Variants in NDC1 observed in about 807,000 individuals in gnomAD.
The protein encoded by NDC1 is NDC1 transmembrane nucleoporin.
In NDC1, 24 loss-of-function variants were observed where a neutral mutation model predicts 89.8. The observed-to-expected ratio is 0.27, with a 90% confidence interval of 0.19 to 0.38. The LOEUF (loss-of-function observed/expected upper bound fraction) is 0.38, where lower values mean the gene tolerates loss of function less well. Among genes scored for constraint, NDC1 ranks in the 10% least tolerant of loss-of-function variants. NDC1 has a pLI of 1.00. For missense variants in NDC1, 728 were observed against 797.6 expected (o/e 0.91, Z 1.05); for synonymous variants, 296 against 284.8 (o/e 1.04, Z -0.39).
At chr1:53,835,752 G>A in intron 1 of NDC1, 132 bp from the exon 2 acceptor site, 1 of 708,468 alleles carries the variant, frequency 1.4e-6, no homozygotes, top group Non-Finnish European at 2.3e-6. Flanking sequence ...TTCACTACTA[G>A]TAATAACATT....
intron 6 of NDC1, among the ~76,000 whole-genome samples, chr1:53,811,787 A>G (rs559444351): frequency 2.6e-5 from 4 of 152,222 alleles, no homozygotes; most frequent in South Asian, 4.1e-4. Context: ...ACCTCCTGGC[A>G]GGAGGCCCAA....
intron 6 of NDC1, among the ~76,000 whole-genome samples, chr1:53,814,596 C>G (rs1225956622): frequency 6.6e-6 from 1 of 152,080 alleles, no homozygotes; most frequent in African/African-American, 2.4e-5. Context: ...TAACTGAGAT[C>G]AGAGCAGAAC....
chr1:53,791,316 G>A (rs1179044143), intron 14 of NDC1, among the ~76,000 whole-genome samples: 2 of 152,104 alleles, frequency 1.3e-5, no homozygotes, highest in Non-Finnish European at 2.9e-5. Flanking sequence ...CTACTCAGGA[G>A]GCTGAGGCAG....
At chr1:53,833,153 C>G (rs1649120296) in intron 2 of NDC1, among the ~76,000 whole-genome samples, 2 of 152,266 alleles carry the variant, frequency 1.3e-5, no homozygotes, top group African/African-American at 4.8e-5. Flanking sequence ...AACTTTCTTT[C>G]TTTCTTTTCT....
intron 3 of NDC1, among the ~76,000 whole-genome samples, chr1:53,829,402 A>G (rs1648978807): frequency 6.6e-6 from 1 of 152,194 alleles, no homozygotes; most frequent in South Asian, 2.1e-4. Flanking sequence ...CCTTCTCTCT[A>G]GAACATCATT....
At chr1:53,800,870 T>C (rs1214125148) in intron 10 of NDC1, 22 bp from the exon 11 acceptor site, 1 of 1,546,938 alleles carries the variant, frequency 6.5e-7, no homozygotes, top group Non-Finnish European at 8.7e-7. Flanking sequence ...AAACACCAGC[T>C]TTTAAAATGT....
At position 53,765,910 on chromosome 1, in the gene NDC1, G is replaced by T. The variant is rs1342914900; in HGVS notation, c.*2060C>A. 1 of 152,138 alleles carries T rather than the reference G, an allele frequency of 6.6e-6. No homozygotes were observed. The highest frequency in any genetic ancestry group is 1.5e-5 in the Non-Finnish European group (1 of 68,032). The allele number at this position is 152,138 out of a possible 1,614,324, so 9.4% of individuals were successfully genotyped here. On this transcript the variant is annotated 3_prime_UTR_variant, in exon 18 of 18. Coordinates refer to ENST00000371429, the MANE Select transcript of NDC1 (RefSeq NM_018087.5). ...GTCCTCCTCCTAGTACACAGGAGGA[G>T]TTCCCCATAATAACACCCTGGTTCC...
At chr1:53,785,341 G>A (rs551651051) in intron 16 of NDC1, among the ~76,000 whole-genome samples, 14 of 152,212 alleles carry the variant, frequency 9.2e-5, no homozygotes, top group South Asian at 2.1e-4. Context: ...CCAAATATTC[G>A]AAGCTGCAGG....
At chr1:53,838,110 G>A in intron 1 of NDC1, 95 bp downstream of exon 1, 1 of 1,162,168 alleles carries the variant, frequency 8.6e-7, no homozygotes, top group South Asian at 1.4e-5. Flanking sequence ...GCTGCCCCGG[G>A]ACCGGCCCTC....
At chr1:53,833,292 T>C (rs942627830) in intron 2 of NDC1, among the ~76,000 whole-genome samples, 7 of 152,156 alleles carry the variant, frequency 4.6e-5, no homozygotes, top group Admixed American at 6.5e-5. Flanking sequence ...TTCCAGTAGC[T>C]GGGATTACAG....
chr1:53,817,671 G>T (rs1304148047), intron 6 of NDC1, among the ~76,000 whole-genome samples: 2 of 152,064 alleles, frequency 1.3e-5, no homozygotes, highest in Non-Finnish European at 2.9e-5. Context: ...AAACATGACA[G>T]TGAAGTATTT....
chr1:53,826,438 C>T (rs886759239), intron 4 of NDC1, among the ~76,000 whole-genome samples: 4 of 152,078 alleles, frequency 2.6e-5, no homozygotes, highest in African/African-American at 9.7e-5. Context: ...CTCCTTGTAG[C>T]TGAGTGGTAT....
intron 13 of NDC1, among the ~76,000 whole-genome samples, chr1:53,794,236 A>G (rs61774804): frequency 0.029 from 4,399 of 152,324 alleles, 97 homozygotes; most frequent in Middle Eastern, 0.044. Context: ...GTGGCATCCC[A>G]AAGTGCTGAG....
intron 16 of NDC1, among the ~76,000 whole-genome samples, chr1:53,778,937 T>C (rs1198606155): frequency 6.6e-6 from 1 of 151,054 alleles, no homozygotes; most frequent in African/African-American, 2.4e-5. Flanking sequence ...AGCTCCGGAG[T>C]TCAAGAGCAG....
intron 11 of NDC1, among the ~76,000 whole-genome samples, chr1:53,799,074 C>T (rs912490927): frequency 1.3e-4 from 20 of 152,176 alleles, no homozygotes; most frequent in African/African-American, 4.6e-4. Flanking sequence ...ATCTTTCCAA[C>T]GCTAATTTGA....
intron 16 of NDC1, among the ~76,000 whole-genome samples, chr1:53,781,524 C>G (rs987709695): frequency 1.3e-5 from 2 of 152,194 alleles, no homozygotes; most frequent in African/African-American, 4.8e-5. Context: ...CCTCTGAATA[C>G]TTTGAAGGAT....
chr1:53,786,133 C>T (rs1647299608), intron 16 of NDC1, among the ~76,000 whole-genome samples: 1 of 151,972 alleles, frequency 6.6e-6, no homozygotes, highest in East Asian at 1.9e-4. Flanking sequence ...ACCATGTTGC[C>T]CAGACTGGTC....
chr1:53,825,491 G>A (rs1648824585), intron 5 of NDC1, among the ~76,000 whole-genome samples: 2 of 143,326 alleles, frequency 1.4e-5, no homozygotes, highest in South Asian at 4.3e-4. Context: ...TTGCATGAAT[G>A]TCATCATCAT....
intron 6 of NDC1, among the ~76,000 whole-genome samples, chr1:53,811,094 G>A (rs1311311288): frequency 2.0e-5 from 3 of 152,198 alleles, no homozygotes; most frequent in African/African-American, 7.2e-5. Flanking sequence ...AAATACAGGG[G>A]TAGAGGAAGC....
Sources: gnomAD v4.1 joint callset for allele counts (sites outside exome capture counted in the v4.1 genomes callset) on GRCh38, gnomAD v4.1.1 for gene constraint, MANE v1.5 for transcripts, NCBI Gene and HGNC (gene_info 2026-07-23, HGNC 2026-07-21) for gene names.